The following ITGB5 variants were observed in gnomAD, a reference collection of about 807,000 sequenced individuals.
ITGB5 encodes integrin subunit beta 5.
Under a neutral mutation model 84.8 loss-of-function variants are expected in ITGB5, and 38 were observed. That is an observed-to-expected ratio of 0.45 (90% CI 0.35 to 0.59). ITGB5 has a LOEUF of 0.59. Ranked by LOEUF, ITGB5 falls within the 20% of genes least tolerant of loss-of-function variation. The probability of loss-of-function intolerance (pLI) is 0.01; values close to 1 mark genes in which losing one functional copy is unlikely to be tolerated. For missense variants in ITGB5, 905 were observed against 1,034.5 expected, an observed-to-expected ratio of 0.87 and a Z score of 1.72; for synonymous variants, 393 against 414.4, an observed-to-expected ratio of 0.95 and a Z score of 0.63.
intron 14 of ITGB5, 106 bp from the exon 15 acceptor site, chr3:124,763,824 G>A: frequency 1.5e-6 from 1 of 657,648 alleles, no homozygotes; most frequent in Admixed American, 2.4e-5. Context: ...CCCTGCGACA[G>A]CAGCAGGCAG....
intron 5 of ITGB5, among the ~76,000 whole-genome samples, chr3:124,832,430 A>G (rs2064873111): frequency 6.6e-6 from 1 of 152,216 alleles, no homozygotes; most frequent in South Asian, 2.1e-4. Flanking sequence ...AGCCACCTTC[A>G]AAGGAGTATG....
chr3:124,830,764 A>G (rs2064848521), intron 5 of ITGB5, among the ~76,000 whole-genome samples: 1 of 152,172 alleles, frequency 6.6e-6, no homozygotes. Context: ...CAGATGCATT[A>G]CCTGAGGTCA....
In ITGB5 at chr3:124,807,244, C is replaced by T. The variant is rs142533271; in HGVS notation, c.1263+1778G>A. Reference sequence around the variant, plus strand: ...CAGCCTGAGCAACATGGTGAAACTCCGTCTCTACTAAAAATACATAAATTA... The same window carrying T: ...CAGCCTGAGCAACATGGTGAAACTCTGTCTCTACTAAAAATACATAAATTA... On this transcript the variant is annotated intron_variant, in intron 9 of 14. Transcript: ENST00000296181. Among the ~76,000 whole-genome samples, 868 of 152,204 alleles carry T rather than the reference C, an allele frequency of 5.7e-3. 6 individuals carry two copies. The highest frequency in any genetic ancestry group is 0.019 in the African/African-American group (786 of 41,520).
intron 12 of ITGB5, among the ~76,000 whole-genome samples, chr3:124,768,383 A>C (rs2063795851): frequency 6.6e-6 from 1 of 152,230 alleles, no homozygotes; most frequent in South Asian, 2.1e-4. Context: ...CACAGAAAGA[A>C]ATCCACACCT....
chr3:124,893,525 T>C (rs1385607724), intron 1 of ITGB5, among the ~76,000 whole-genome samples: 2 of 152,058 alleles, frequency 1.3e-5, no homozygotes, highest in African/African-American at 4.8e-5. Flanking sequence ...ATGGTCCTGG[T>C]TAGGAAAAAG....
In ITGB5 at chr3:124,773,739, C is replaced by T. The variant is rs754657638; in HGVS notation, c.1867G>A (p.Glu623Lys). 1 of 1,612,678 alleles carries T rather than the reference C, an allele frequency of 6.2e-7. No homozygotes were observed. Among genetic ancestry groups the T allele is most frequent in the South Asian group, 1.1e-5 (1 of 91,000 alleles). Residue 623 changes from glutamate (E) to lysine (K), a missense_variant, in exon 11 of 15, where the codon GAG becomes AAG. Physicochemically the swap from Glu to Lys is moderately conservative, Grantham distance 56. Around this residue, in one of 3 missense-constraint regions of ITGB5, gnomAD observed 116 missense variants for 177.0 expected, o/e 0.66. Transcript: ENST00000296181. ...CAGGTGGGGCACTTCTCACACATCT[C>T]CCCAAAGGCCCCCGGCTCCGTGCAT... ...CQCTEPGAFG[E>K]MCEKCPTCPD...
intron 10 of ITGB5, among the ~76,000 whole-genome samples, chr3:124,777,497 T>C (rs1351232167): frequency 6.6e-6 from 1 of 152,266 alleles, no homozygotes; most frequent in Non-Finnish European, 1.5e-5. Flanking sequence ...TTTGTGACTC[T>C]GATAATAGTC....
intron 5 of ITGB5, among the ~76,000 whole-genome samples, chr3:124,828,464 C>G (rs756996207): frequency 8.5e-5 from 13 of 152,082 alleles, no homozygotes; most frequent in Non-Finnish European, 1.5e-4. Context: ...TAAATGCAGT[C>G]TAGTGTGTAG....
At chr3:124,837,245 A>C (rs767666858) in intron 5 of ITGB5, among the ~76,000 whole-genome samples, 2 of 152,236 alleles carry the variant, frequency 1.3e-5, no homozygotes, top group African/African-American at 2.4e-5. Flanking sequence ...GAAAGCAGCC[A>C]TATTTCCAGT....
intron 3 of ITGB5, among the ~76,000 whole-genome samples, chr3:124,849,782 C>T (rs563680799): frequency 4.6e-5 from 7 of 152,076 alleles, no homozygotes; most frequent in South Asian, 2.1e-4. Context: ...CAAGTCAGGG[C>T]AATAACTGGA....
intron 3 of ITGB5, among the ~76,000 whole-genome samples, chr3:124,853,509 G>T (rs568547845): frequency 4.2e-4 from 64 of 152,276 alleles, no homozygotes; most frequent in Non-Finnish European, 7.4e-4. Context: ...CCCAGGGCTC[G>T]ATACTTCTGG....
intron 2 of ITGB5, among the ~76,000 whole-genome samples, chr3:124,864,535 A>C (rs769622346): frequency 6.6e-6 from 1 of 152,146 alleles, no homozygotes; most frequent in Non-Finnish European, 1.5e-5. Flanking sequence ...CAGGAACAGA[A>C]AACCAAATAC....
chr3:124,779,457 A>G (rs773081969), intron 10 of ITGB5, among the ~76,000 whole-genome samples: 1 of 152,176 alleles, frequency 6.6e-6, no homozygotes, highest in Non-Finnish European at 1.5e-5. Flanking sequence ...AGGCACCAAC[A>G]GACCCAGGAG....
chr3:124,883,295 C>T (rs932199394), intron 1 of ITGB5, among the ~76,000 whole-genome samples: 13 of 152,160 alleles, frequency 8.5e-5, no homozygotes, highest in Non-Finnish European at 1.5e-4. Flanking sequence ...TATTTTAATT[C>T]CCCGTTGCCT....
At chr3:124,768,836 C>T (rs532547633) in intron 12 of ITGB5, among the ~76,000 whole-genome samples, 177 bp downstream of exon 12, 2 of 152,282 alleles carry the variant, frequency 1.3e-5, no homozygotes, top group Admixed American at 6.5e-5. Context: ...TTCCAAAGTC[C>T]GTACCATTCT....
At chr3:124,803,392 A>G (rs2107528124) in intron 9 of ITGB5, among the ~76,000 whole-genome samples, 1 of 152,254 alleles carries the variant, frequency 6.6e-6, no homozygotes, top group South Asian at 2.1e-4. Flanking sequence ...CATACATAAA[A>G]TGGCGAAGGA....
intron 8 of ITGB5, among the ~76,000 whole-genome samples, chr3:124,810,805 T>C (rs1344146971): frequency 6.6e-6 from 1 of 152,068 alleles, no homozygotes; most frequent in African/African-American, 2.4e-5. Flanking sequence ...GACCCCAACA[T>C]CCGCAGACGG....
At chr3:124,787,886 G>C (rs895790797) in intron 10 of ITGB5, 4 of 151,254 alleles carry the variant, frequency 2.6e-5, no homozygotes, top group South Asian at 2.1e-4. Context: ...GTGAACTTGA[G>C]TAGTGGCTAG....
At chr3:124,766,078 AAAAAG>A (rs1468071801) in intron 13 of ITGB5, 143 bp downstream of exon 13, 1 of 805,054 alleles carries the variant, frequency 1.2e-6, no homozygotes, top group East Asian at 2.7e-5. Context: ...AAAAAAAAAG[AAAAAG>A]AAGAAATTGT....
Sources: gnomAD v4.1 joint callset for allele counts (sites outside exome capture counted in the v4.1 genomes callset) on GRCh38, gnomAD v4.1.1 for gene constraint, gnomAD v4.1.1 regional missense constraint, MANE v1.5 for transcripts, NCBI Gene and HGNC (gene_info 2026-07-23, HGNC 2026-07-21) for gene names.